Variants in SPAG17 observed in about 807,000 individuals in gnomAD.
SPAG17 encodes the protein sperm-associated antigen 17.
In SPAG17, 169 loss-of-function variants were observed where a neutral mutation model predicts 273.6. The ratio of observed to expected loss-of-function variants is 0.62; its 90% CI spans 0.55 to 0.70. The LOEUF is 0.70. Ranked by LOEUF, SPAG17 falls within the 30% of genes least tolerant of loss-of-function variation. The pLI, the probability that SPAG17 is intolerant of heterozygous loss-of-function variation, is 0.00. For missense variants in SPAG17, 2,557 were observed against 2,627.8 expected, an observed-to-expected ratio of 0.97 and a Z score of 0.59; for synonymous variants, 825 against 873.2, an observed-to-expected ratio of 0.94 and a Z score of 0.97.
intron 3 of SPAG17, among the ~76,000 whole-genome samples, chr1:118,133,357 C>T (rs1224374352): frequency 2.6e-5 from 4 of 151,904 alleles, no homozygotes; most frequent in Non-Finnish European, 5.9e-5. Flanking sequence ...GCACTGTGAG[C>T]GGCAAGTGGA....
At chr1:118,110,698 G>A (rs1399722742) in intron 4 of SPAG17, among the ~76,000 whole-genome samples, 1 of 152,168 alleles carries the variant, frequency 6.6e-6, no homozygotes, top group Non-Finnish European at 1.5e-5. Context: ...TATTTAACCT[G>A]AGGATGTTAA....
intron 28 of SPAG17, among the ~76,000 whole-genome samples, chr1:118,017,397 T>C (rs1253968510): frequency 6.6e-6 from 1 of 152,040 alleles, no homozygotes; most frequent in Non-Finnish European, 1.5e-5. Flanking sequence ...AATAGCATGG[T>C]ATACACAGAC....
chr1:118,172,914 A>C lies in SPAG17; in HGVS notation c.87+12157T>G, dbSNP rs1570825420. Among the ~76,000 whole-genome samples, 4 of 152,316 alleles carry C rather than the reference A, an allele frequency of 2.6e-5. No homozygotes were observed. The East Asian group carries it at 7.7e-4, about 29-fold the overall frequency. On this transcript the variant is annotated intron_variant, in intron 1 of 48. Coordinates refer to ENST00000336338, the MANE Select transcript of SPAG17 (RefSeq NM_206996.4). ...TTGTGTGCAATCCATAAGCTTCTAG[A>C]GGGAATGGCTATACTATTTAAACAA...
chr1:117,975,986 CAGCCCTGTGATGTAT>C (rs1267778780), intron 43 of SPAG17, among the ~76,000 whole-genome samples: 4 of 152,200 alleles, frequency 2.6e-5, no homozygotes, highest in Non-Finnish European at 5.9e-5. Context: ...TTAATTCTCA[CAGCCCTGTGATGTAT>C]ATAGCATTAT....
rs767940516 is a variant in SPAG17, at chr1:117,953,881, G to A, written c.*169C>T. The A allele has an allele frequency of 2.9e-5, 22 of 771,368 alleles. No homozygotes were observed. Among genetic ancestry groups the A allele is most frequent in the East Asian group, 5.0e-5 (2 of 39,762 alleles). 47.8% of individuals were successfully genotyped at this position (771,368 alleles called of 1,614,324 possible). A position where few individuals can be genotyped will look rare whatever the true frequency, so the allele number is the denominator to read the frequency against. On this transcript the variant is annotated 3_prime_UTR_variant, in exon 49 of 49. Coordinates refer to ENST00000336338, the MANE Select transcript of SPAG17 (RefSeq NM_206996.4). ...TTAAATGCTTTTTGGCACTCTATTC[G>A]CACGTCTTTATTAAACAGATTGAAG...
intron 34 of SPAG17, among the ~76,000 whole-genome samples, chr1:117,995,512 T>C (rs1657552206): frequency 6.6e-6 from 1 of 152,048 alleles, no homozygotes; most frequent in Non-Finnish European, 1.5e-5. Context: ...CACAGTTCCA[T>C]ACATGCACCA....
At chr1:118,095,085 C>A (rs1021794330) in intron 7 of SPAG17, among the ~76,000 whole-genome samples, 3 of 152,174 alleles carry the variant, frequency 2.0e-5, no homozygotes, top group Admixed American at 1.3e-4. Flanking sequence ...TATTTTTCCA[C>A]ATAAAATAAT....
intron 20 of SPAG17, among the ~76,000 whole-genome samples, 187 bp from the exon 21 acceptor site, chr1:118,042,229 C>T (rs1649856069): frequency 6.6e-6 from 1 of 152,114 alleles, no homozygotes; most frequent in Non-Finnish European, 1.5e-5. Context: ...TCTGCTAAAT[C>T]CTGTCAATTC....
chr1:118,050,690 A>C (rs902583739), intron 20 of SPAG17, among the ~76,000 whole-genome samples: 1 of 152,214 alleles, frequency 6.6e-6, no homozygotes, highest in African/African-American at 2.4e-5. Flanking sequence ...CTGGATATCC[A>C]CATGCAAAAG....
chr1:118,076,633 T>C (rs1289353642), intron 15 of SPAG17: 2 of 152,146 alleles, frequency 1.3e-5, no homozygotes, highest in Non-Finnish European at 2.9e-5. Flanking sequence ...GTCTCCAGTT[T>C]AGAAAATATG....
At chr1:118,171,546 G>T (rs561709772) in intron 1 of SPAG17, among the ~76,000 whole-genome samples, 124 of 152,270 alleles carry the variant, frequency 8.1e-4, no homozygotes, top group African/African-American at 2.8e-3. Flanking sequence ...TGGTCTTTCT[G>T]TCCTCTAAAT....
At position 117,970,092 on chromosome 1, in the gene SPAG17, G is replaced by A. The variant is rs1413894271; in HGVS notation, c.6351C>T (p.Pro2117=). 2.5e-6 allele frequency: 4 copies of A among 1,613,266 alleles called. No individual in the cohort carries two copies. Among genetic ancestry groups the A allele is most frequent in the South Asian group, 1.1e-5 (1 of 90,870 alleles). ...TGTAAGTCACTTTCAGTCCTGTGCT[G>A]GGTGGGGGCTGCTTTACTTTAAACC... ...FCRFKVKQPP[P]STGLKVTYKP... Residue 2117 remains proline (P), a synonymous_variant, in exon 46 of 49, where the codon CCC becomes CCT. Transcript: ENST00000336338.
rs1294029522 is a variant in SPAG17, at chr1:118,132,258, C to T, written c.316-16817G>A. Among the ~76,000 whole-genome samples the T allele has an allele frequency of 3.3e-5, 5 of 151,930 alleles. No individual in the cohort carries two copies. In the South Asian group the frequency reaches 6.3e-4, roughly 19 times the overall value. On this transcript the variant is annotated intron_variant, in intron 3 of 48. Coordinates refer to ENST00000336338, the MANE Select transcript of SPAG17 (RefSeq NM_206996.4). The stretch of plus-strand genomic sequence containing the variant: ...GTGGTATGAGACTGGGGAAGAGTGA[C>T]GAGAGGAGAGCAGTGACCCAGGAAG...
chr1:117,979,226 T>C (rs1655484669), intron 43 of SPAG17, among the ~76,000 whole-genome samples: 2 of 152,160 alleles, frequency 1.3e-5, no homozygotes, highest in South Asian at 2.1e-4. Context: ...TTTTACCTTC[T>C]AGAGTTCGCC....
intron 32 of SPAG17, among the ~76,000 whole-genome samples, chr1:117,998,771 C>T (rs966910780): frequency 4.6e-5 from 7 of 151,980 alleles, no homozygotes; most frequent in Non-Finnish European, 8.8e-5. Flanking sequence ...GAACTTTCAC[C>T]TCCCTGGTTA....
In SPAG17 at chr1:118,093,144, G is replaced by T. The variant is rs754257081; in HGVS notation, c.1173+12C>A. 3 of 1,608,158 alleles carry T rather than the reference G, an allele frequency of 1.9e-6. No individual in the cohort carries two copies. The highest frequency in any genetic ancestry group is 1.7e-4 in the Middle Eastern group (1 of 6,018). On this transcript the variant is annotated intron_variant, in intron 8 of 48. Coordinates refer to ENST00000336338, the MANE Select transcript of SPAG17 (RefSeq NM_206996.4). ...TCATTCATCCCACTAAAGACATTGA[G>T]CCCATGCCTACCTCTGAAGTTGGCA...
At chr1:118,117,898 G>C (rs941740459) in intron 3 of SPAG17, among the ~76,000 whole-genome samples, 1 of 152,184 alleles carries the variant, frequency 6.6e-6, no homozygotes, top group African/African-American at 2.4e-5. Flanking sequence ...TGAATTATTG[G>C]AATAATTAAT....
intron 3 of SPAG17, among the ~76,000 whole-genome samples, chr1:118,134,124 T>C (rs950091368): frequency 5.3e-5 from 8 of 152,216 alleles, no homozygotes; most frequent in African/African-American, 1.7e-4. Flanking sequence ...AAAAGAATTA[T>C]ATGCTTTGAC....
chr1:118,042,208 C>T (rs2101933754), intron 20 of SPAG17, among the ~76,000 whole-genome samples, 166 bp from the exon 21 acceptor site: 1 of 152,258 alleles, frequency 6.6e-6, no homozygotes, highest in South Asian at 2.1e-4. Context: ...CTCTTTCTCA[C>T]TCAACTTCTG....
Sources: gnomAD v4.1 joint callset for allele counts (sites outside exome capture counted in the v4.1 genomes callset) on GRCh38, gnomAD v4.1.1 for gene constraint, MANE v1.5 for transcripts, NCBI Gene and HGNC (gene_info 2026-07-23, HGNC 2026-07-21) for gene names.